TMEM65: variants seen among roughly 807,000 people sequenced by gnomAD.
The protein encoded by TMEM65 is transmembrane protein 65.
Under a neutral mutation model 25.4 loss-of-function variants are expected in TMEM65, and 22 were observed. The observed-to-expected ratio is 0.86, with a 90% CI of 0.62 to 1.23. The LOEUF (loss-of-function observed/expected upper bound fraction) is 1.23. Ranked by LOEUF, TMEM65 falls within the 50% of genes most tolerant of loss-of-function variation. The pLI is 0.00. For missense variants in TMEM65, 262 were observed against 308.2 expected, an observed-to-expected ratio of 0.85 and a Z score of 1.12; for synonymous variants, 132 against 126.2, an observed-to-expected ratio of 1.05 and a Z score of -0.31.
At chr8:124,323,484 G>A in intron 3 of TMEM65, 109 bp from the exon 4 acceptor site, 2 of 505,178 alleles carry the variant, frequency 4.0e-6, no homozygotes. Flanking sequence ...TGTTAGTGCT[G>A]CAAAATTACA....
At chr8:124,318,628 G>A (rs1233706128) in intron 6 of TMEM65, among the ~76,000 whole-genome samples, 3 of 151,824 alleles carry the variant, frequency 2.0e-5, no homozygotes, top group Admixed American at 6.6e-5. Context: ...CACCCGCCTC[G>A]GCCTCCCAAA....
rs1185890863 is a variant in TMEM65, at chr8:124,322,156, T to C, written c.473-9A>G. 2 of 1,604,734 alleles carry C rather than the reference T, an allele frequency of 1.2e-6. No individual in the cohort carries two copies. The highest frequency in any genetic ancestry group is 1.7e-6 in the Non-Finnish European group (2 of 1,173,856). On this transcript the variant is annotated splice_polypyrimidine_tract_variant and intron_variant, in intron 4 of 6. Coordinates refer to ENST00000297632, the MANE Select transcript of TMEM65 (RefSeq NM_194291.3). ...ATTTCCCAAAGCAGCAGCTAAAAAT[T>C]TGAAAAATAAATAATTGTTACATAA... is the stretch of plus-strand genomic sequence containing the variant.
At chr8:124,319,351 C>A (rs1814277766) in intron 6 of TMEM65, among the ~76,000 whole-genome samples, 1 of 152,060 alleles carries the variant, frequency 6.6e-6, no homozygotes, top group Non-Finnish European at 1.5e-5. Flanking sequence ...TTACTTAAAA[C>A]TCCCCTGGCT....
intron 1 of TMEM65, among the ~76,000 whole-genome samples, chr8:124,344,625 T>C (rs151081826): frequency 4.7e-4 from 71 of 152,360 alleles, no homozygotes; most frequent in African/African-American, 1.7e-3. Flanking sequence ...CCAGAAATCA[T>C]TAAGTAAGCT....
chr8:124,330,412 C>T (rs970207976), intron 2 of TMEM65, among the ~76,000 whole-genome samples: 3 of 151,846 alleles, frequency 2.0e-5, no homozygotes, highest in African/African-American at 7.2e-5. Context: ...CCTAGAAATT[C>T]TAGTTCTGCA....
At chr8:124,363,191 G>A (rs1000148179) in intron 1 of TMEM65, among the ~76,000 whole-genome samples, 36 of 152,294 alleles carry the variant, frequency 2.4e-4, no homozygotes, top group African/African-American at 8.4e-4. Context: ...GCATCCAAGA[G>A]AGAGATAAGA....
At chr8:124,337,728 A>G (rs1238437308) in intron 1 of TMEM65, among the ~76,000 whole-genome samples, 1 of 152,040 alleles carries the variant, frequency 6.6e-6, no homozygotes, top group Non-Finnish European at 1.5e-5. Context: ...CAATCTGTTC[A>G]TGAGGAAGTA....
At chr8:124,334,356 A>G (rs1434228860) in intron 1 of TMEM65, among the ~76,000 whole-genome samples, 3 of 152,230 alleles carry the variant, frequency 2.0e-5, no homozygotes, top group African/African-American at 7.2e-5. Flanking sequence ...AAAGATGTAA[A>G]TAAAAATATG....
At chr8:124,363,520 C>G (rs1814898139) in intron 1 of TMEM65, among the ~76,000 whole-genome samples, 1 of 152,076 alleles carries the variant, frequency 6.6e-6, no homozygotes, top group Admixed American at 6.6e-5. Context: ...TTCATTAATC[C>G]CCTACAACTG....
At chr8:124,321,374 T>C (rs958294271) in intron 5 of TMEM65, among the ~76,000 whole-genome samples, 3 of 152,146 alleles carry the variant, frequency 2.0e-5, no homozygotes, top group Non-Finnish European at 4.4e-5. Flanking sequence ...AGACAGAGCA[T>C]ATTTATCATA....
intron 1 of TMEM65, among the ~76,000 whole-genome samples, chr8:124,338,860 C>T (rs900530713): frequency 6.6e-6 from 1 of 152,150 alleles, no homozygotes; most frequent in East Asian, 1.9e-4. Flanking sequence ...GAATTGTAAG[C>T]TGATACAGTA....
Position 124,371,736 on chromosome 8 carries a change from G to T in TMEM65, c.304+118C>A, listed in dbSNP as rs934816395. The T allele has an allele frequency of 3.9e-6, 4 of 1,023,140 alleles. No individual in the cohort carries two copies. The African/African-American group carries it at 5.1e-5, about 13-fold the overall frequency. 63.4% of individuals were successfully genotyped at this position (1,023,140 alleles called of 1,614,324 possible). ...GCGTGGGGCCAGACAGGCGAGGGGG[G>T]CGGAAGGGGGGCGGCGGCGGGGGTC... is the stretch of plus-strand genomic sequence containing the variant. On this transcript the variant is annotated intron_variant, in intron 1 of 6. Coordinates refer to ENST00000297632, the MANE Select transcript of TMEM65 (RefSeq NM_194291.3).
intron 1 of TMEM65, among the ~76,000 whole-genome samples, chr8:124,352,475 CATAAAATAAAATAAAATAAAATAAA>C (rs202063585): frequency 1.2e-3 from 158 of 127,906 alleles, no homozygotes; most frequent in African/African-American, 3.0e-3. Flanking sequence ...AATTTACTAT[CATAAAATAAAATAAAATAAAATAAA>C]ATAAAATAAA....
chr8:124,351,099 A>G, intron 1 of TMEM65: 1 of 984,356 alleles, frequency 1.0e-6, no homozygotes, highest in Non-Finnish European at 1.2e-6. Flanking sequence ...TGGCAATCTC[A>G]GGTTTGGGAT....
intron 1 of TMEM65, among the ~76,000 whole-genome samples, chr8:124,333,172 TAAA>T (rs112386620): frequency 7.2e-6 from 1 of 139,804 alleles, no homozygotes; most frequent in Admixed American, 7.2e-5. Flanking sequence ...ACATCAGAAG[TAAA>T]AAAAAAAAAA....
intron 1 of TMEM65, among the ~76,000 whole-genome samples, chr8:124,348,962 T>C (rs995045993): frequency 6.6e-6 from 1 of 152,008 alleles, no homozygotes; most frequent in African/African-American, 2.4e-5. Context: ...CACAACAGAG[T>C]ACTTCATAAC....
At chr8:124,354,710 C>T (rs1250825728) in intron 1 of TMEM65, among the ~76,000 whole-genome samples, 1 of 152,194 alleles carries the variant, frequency 6.6e-6, no homozygotes, top group Non-Finnish European at 1.5e-5. Flanking sequence ...CTATATTACA[C>T]CTTTACTTCT....
chr8:124,369,635 T>C (rs1194734777), intron 1 of TMEM65, among the ~76,000 whole-genome samples: 2 of 152,216 alleles, frequency 1.3e-5, no homozygotes, highest in African/African-American at 2.4e-5. Flanking sequence ...CATGGGAGTT[T>C]TTCATTTATC....
At chr8:124,330,375 C>G (rs1282172562) in intron 2 of TMEM65, among the ~76,000 whole-genome samples, 1 of 151,792 alleles carries the variant, frequency 6.6e-6, no homozygotes, top group Non-Finnish European at 1.5e-5. Context: ...TTTTCTCTAC[C>G]AGAGAACAGT....
Sources: gnomAD v4.1 joint callset for allele counts (sites outside exome capture counted in the v4.1 genomes callset) on GRCh38, gnomAD v4.1.1 for gene constraint, MANE v1.5 for transcripts, NCBI Gene and HGNC (gene_info 2026-07-23, HGNC 2026-07-21) for gene names.